USP39: variants seen among roughly 807,000 people sequenced by gnomAD.
USP39 encodes the protein ubiquitin carboxyl-terminal hydrolase 39.
USP39 carries 38 observed loss-of-function variants against 66.4 expected under a neutral mutation model. That is an observed-to-expected ratio of 0.57 (90% CI 0.44 to 0.75). USP39 has a LOEUF of 0.75. Among genes scored for constraint, USP39 ranks in the 30% least tolerant of loss-of-function variants. USP39 has a pLI of 0.00. For missense variants in USP39, 608 were observed against 714.4 expected (o/e 0.85, Z 1.70); for synonymous variants, 303 against 274.6 (o/e 1.10, Z -1.02).
At chr2:85,619,175 G>C in intron 1 of USP39, 45 bp from the exon 2 acceptor site, 1 of 1,604,246 alleles carries the variant, frequency 6.2e-7, no homozygotes, top group Non-Finnish European at 8.5e-7. Flanking sequence ...TTGGCCCTGA[G>C]TATAGGTTTC....
intron 5 of USP39, among the ~76,000 whole-genome samples, chr2:85,628,672 T>G (rs1675069818): frequency 6.6e-6 from 1 of 152,220 alleles, no homozygotes; most frequent in Non-Finnish European, 1.5e-5. Flanking sequence ...TTATTTATAT[T>G]GTTGCTGAGG....
intron 6 of USP39, among the ~76,000 whole-genome samples, chr2:85,632,448 C>T (rs1327144473): frequency 7.4e-6 from 1 of 136,046 alleles, no homozygotes; most frequent in Non-Finnish European, 1.6e-5. Context: ...TTTCAACTAT[C>T]TTTTTTTTTT....
chr2:85,619,505 A>G (rs558165862), intron 2 of USP39, among the ~76,000 whole-genome samples: 135 of 151,334 alleles, frequency 8.9e-4, no homozygotes, highest in African/African-American at 3.2e-3. Flanking sequence ...TGTTGGGATA[A>G]CAGGATGCAT....
chr2:85,611,113 G>A (rs1673491326), upstream of USP39: 1 of 318,348 alleles, frequency 3.1e-6, no homozygotes, highest in Non-Finnish European at 4.8e-6. Context: ...GGTGGCACAC[G>A]CCTGTGGTCC....
rs1175903587 is a variant in USP39 at position 85,647,995 on chromosome 2, A to G, written c.1629A>G (p.Thr543=). Residue 543 remains threonine (T), a synonymous_variant, in exon 12 of 13, where the codon ACA becomes ACG. Coordinates refer to ENST00000323701, the MANE Select transcript of USP39 (RefSeq NM_006590.4). ...CTGACATCCTTCCCCAGATGATCAC[A>G]CTGTCAGAGGCTTACATTCAGGTGG... The part of the protein sequence containing the change: ...QVTDILPQMI[T]LSEAYIQIWK... The G allele has an allele frequency of 1.2e-6, 2 of 1,614,134 alleles. No individual in the cohort carries two copies. The highest frequency in any genetic ancestry group is 1.7e-5 in the Admixed American group (1 of 60,014).
chr2:85,630,922 A>G lies in USP39; in HGVS notation c.925A>G (p.Lys309Glu). 6.2e-7 allele frequency: 1 copy of G among 1,614,160 alleles called. No individual in the cohort carries two copies. The highest frequency in any genetic ancestry group is 8.5e-7 in the Non-Finnish European group (1 of 1,180,028). ...MLQAVVLCSK[K>E]TFQITKQGDG... ...TCAGGCAGTTGTACTTTGCAGTAAG[A>G]AGACTTTTCAGATCACCAAACAAGG... The change falls in exon 6 of 13, where the codon AAG (lysine) becomes GAG (glutamate). Residue 309 changes from lysine to glutamate, a missense_variant. Physicochemically the swap from Lys to Glu is moderately conservative, Grantham distance 56. This residue lies in a region of USP39 where 72 missense variants were observed against 60.1 expected (regional missense o/e 1.20). Coordinates refer to ENST00000323701, the MANE Select transcript of USP39 (RefSeq NM_006590.4).
chr2:85,609,686 GTCT>G (rs1421009824), upstream of USP39: 27 of 1,465,164 alleles, frequency 1.8e-5, no homozygotes, highest in Middle Eastern at 2.5e-4. Flanking sequence ...GAAAGCCCCA[GTCT>G]TCTTTTTTTT....
chr2:85,631,043 C>G (rs1675286961), intron 6 of USP39, 97 bp downstream of exon 6: 3 of 1,113,596 alleles, frequency 2.7e-6, no homozygotes, highest in African/African-American at 3.1e-5. Flanking sequence ...GAGATGGAGT[C>G]TCACTCTGTC....
chr2:85,645,116 G>A, intron 11 of USP39, 33 bp downstream of exon 11: 1 of 1,613,264 alleles, frequency 6.2e-7, no homozygotes, highest in Non-Finnish European at 8.5e-7. Context: ...ATGGCACAGA[G>A]TGGCAAAAAC....
chr2:85,609,767 C>A (rs188990834), upstream of USP39, among the ~76,000 whole-genome samples: 2 of 150,864 alleles, frequency 1.3e-5, no homozygotes, highest in Non-Finnish European at 3.0e-5. Flanking sequence ...CTGCAACTTC[C>A]GCTCCCAGGT....
chr2:85,631,277 T>C (rs1289727312), intron 6 of USP39, among the ~76,000 whole-genome samples: 2 of 151,286 alleles, frequency 1.3e-5, no homozygotes, highest in African/African-American at 4.9e-5. Flanking sequence ...CCTCCCAAAG[T>C]GCTGGGGATT....
At chr2:85,625,269 G>C (rs1333540199) in intron 4 of USP39, among the ~76,000 whole-genome samples, 1 of 152,196 alleles carries the variant, frequency 6.6e-6, no homozygotes, top group Non-Finnish European at 1.5e-5. Flanking sequence ...CTGGCAGTCA[G>C]TTTTCATGAG....
At position 85,641,010 on chromosome 2, in the gene USP39, G is replaced by A. The variant is rs137957308; in HGVS notation, c.1319G>A (p.Arg440His). ...ACTTACAAGGAGAACTTTCTGAAGC[G>A]CTTCCAGCTTACCAAGTTGCCTCCA... ...YKTYKENFLK[R>H]FQLTKLPPYL... Residue 440 changes from arginine to histidine, a missense_variant, in exon 10 of 13, where the codon CGC becomes CAC. Transcript: ENST00000323701. 203 of 1,613,212 alleles carry A rather than the reference G, an allele frequency of 1.3e-4. No homozygotes were observed. The highest frequency in any genetic ancestry group is 1.5e-4 in the Non-Finnish European group (181 of 1,179,842).
chr2:85,617,707 C>G (rs749178685), intron 1 of USP39, among the ~76,000 whole-genome samples: 1 of 152,178 alleles, frequency 6.6e-6, no homozygotes, highest in Non-Finnish European at 1.5e-5. Flanking sequence ...TGTAAGGCAG[C>G]TCACTGTGTG....
intron 6 of USP39, among the ~76,000 whole-genome samples, chr2:85,633,938 C>T (rs1049421885): frequency 1.4e-5 from 2 of 143,878 alleles, no homozygotes; most frequent in Admixed American, 7.0e-5. Context: ...CCCGGGTTCA[C>T]GCCATTCTCC....
upstream of USP39, chr2:85,616,110 G>T: frequency 2.9e-6 from 4 of 1,360,438 alleles, no homozygotes; most frequent in South Asian, 3.8e-5. Context: ...TTCGGGGCTC[G>T]CTACCAGCCC....
intron 12 of USP39, among the ~76,000 whole-genome samples, chr2:85,648,547 A>G (rs1340066508): frequency 6.6e-6 from 1 of 152,226 alleles, no homozygotes; most frequent in African/African-American, 2.4e-5. Flanking sequence ...GACAAAAGCC[A>G]TAGCTTTGTA....
chr2:85,612,440 T>C, upstream of USP39: 1 of 1,395,416 alleles, frequency 7.2e-7, no homozygotes, highest in Non-Finnish European at 9.8e-7. Flanking sequence ...AGTTTCCTCA[T>C]TAGTAAATGG....
At chr2:85,619,086 C>T (rs1303815118) in intron 1 of USP39, 134 bp from the exon 2 acceptor site, 27 of 1,022,214 alleles carry the variant, frequency 2.6e-5, no homozygotes, top group Middle Eastern at 2.1e-4. Context: ...ACTTTTTTTT[C>T]GATATTGTTG....
Sources: allele counts gnomAD v4.1 joint callset (sites outside exome capture counted in the v4.1 genomes callset), GRCh38; gene constraint gnomAD v4.1.1; regional missense constraint gnomAD v4.1.1; transcripts MANE v1.5; gene names NCBI Gene and HGNC (gene_info 2026-07-23, HGNC 2026-07-21).